POLA2: variants seen among roughly 807,000 people sequenced by gnomAD.
POLA2 encodes the protein DNA polymerase alpha subunit B.
POLA2 carries 47 observed loss-of-function variants against 82.8 expected under a neutral mutation model. The observed-to-expected ratio is 0.57, with a 90% CI of 0.45 to 0.72. The LOEUF is 0.72. Ranked by LOEUF, POLA2 falls within the 30% of genes least tolerant of loss-of-function variation. The probability of loss-of-function intolerance (pLI) is 0.00; values close to 1 mark genes in which losing one functional copy is unlikely to be tolerated. For missense variants in POLA2, 634 were observed against 728.1 expected, an observed-to-expected ratio of 0.87 and a Z score of 1.49; for synonymous variants, 287 against 286.8, an observed-to-expected ratio of 1.00 and a Z score of -0.01.
chr11:65,281,640 T>C, intron 8 of POLA2, 30 bp from the exon 9 acceptor site: 1 of 1,549,226 alleles, frequency 6.5e-7, no homozygotes. Flanking sequence ...TCTCCACTGC[T>C]TAGCAATCCT....
chr11:65,278,017 G>A (rs900781462), intron 5 of POLA2, among the ~76,000 whole-genome samples: 1 of 152,192 alleles, frequency 6.6e-6, no homozygotes, highest in African/African-American at 2.4e-5. Flanking sequence ...AACAAAGCCT[G>A]TTTTAAATAG....
intron 9 of POLA2, 92 bp downstream of exon 9, chr11:65,281,824 GC>G: frequency 9.7e-7 from 1 of 1,027,106 alleles, no homozygotes. Context: ...CTTTTTAGGA[GC>G]CCATTTATTT....
chr11:65,273,866 GAAATAAT>G (rs1265195416), intron 4 of POLA2, among the ~76,000 whole-genome samples: 4 of 151,922 alleles, frequency 2.6e-5, no homozygotes, highest in African/African-American at 9.7e-5. Flanking sequence ...CTCTTCTGAA[GAAATAAT>G]TCAAATTATG....
intron 15 of POLA2, 45 bp from the exon 16 acceptor site, chr11:65,295,495 G>A (rs778733557): frequency 5.9e-5 from 90 of 1,523,308 alleles, no homozygotes; most frequent in Middle Eastern, 3.4e-4. Flanking sequence ...AGAGAAATGG[G>A]CTGAAAAACA....
intron 11 of POLA2, among the ~76,000 whole-genome samples, chr11:65,288,048 G>A (rs1156607180): frequency 6.6e-6 from 1 of 152,174 alleles, no homozygotes; most frequent in Admixed American, 6.5e-5. Context: ...GCTCACGCCT[G>A]TAATCCTAAC....
chr11:65,276,707 GA>G (rs1025054259), intron 5 of POLA2, among the ~76,000 whole-genome samples: 2 of 151,926 alleles, frequency 1.3e-5, no homozygotes, highest in African/African-American at 4.8e-5. Context: ...ACCCTTCAGG[GA>G]AACACCAACT....
chr11:65,271,921 C>A (rs577070581), intron 4 of POLA2, among the ~76,000 whole-genome samples: 1 of 151,886 alleles, frequency 6.6e-6, no homozygotes, highest in African/African-American at 2.4e-5. Flanking sequence ...ACAATATGTC[C>A]AGGCTAGAGA....
Position 65,297,100 on chromosome 11 carries a change from A to T in POLA2, c.1648-20A>T. The T allele has an allele frequency of 6.2e-7, 1 of 1,612,582 alleles. No individual in the cohort carries two copies. The highest frequency in any genetic ancestry group is 8.5e-7 in the Non-Finnish European group (1 of 1,179,430). On this transcript the variant is annotated intron_variant, in intron 17 of 17. Coordinates refer to ENST00000265465, the MANE Select transcript of POLA2 (RefSeq NM_002689.4). The stretch of plus-strand genomic sequence containing the variant: ...TTAGTTGAGGCTCTCCAAACCTGTC[A>T]CCTCTCCTCTCCTCCCCAGGATGTC...
At chr11:65,274,516 C>T (rs1949556004) in intron 4 of POLA2, among the ~76,000 whole-genome samples, 1 of 151,510 alleles carries the variant, frequency 6.6e-6, no homozygotes, top group Non-Finnish European at 1.5e-5. Flanking sequence ...CCCATCTCTA[C>T]TAAAGATACA....
At chr11:65,284,320 A>G (rs1949672199) in intron 10 of POLA2, among the ~76,000 whole-genome samples, 1 of 152,026 alleles carries the variant, frequency 6.6e-6, no homozygotes, top group African/African-American at 2.4e-5. Flanking sequence ...AAAAAATAAA[A>G]ACAAAAAAAA....
At chr11:65,267,399 A>G (rs1949472696) in intron 2 of POLA2, 78 bp from the exon 3 acceptor site, 4 of 784,710 alleles carry the variant, frequency 5.1e-6, no homozygotes, top group Non-Finnish European at 8.3e-6. Context: ...AATACCTTTT[A>G]TTATCTCAAG....
chr11:65,300,815 C>A (rs1207645263), downstream of POLA2, among the ~76,000 whole-genome samples: 2 of 152,276 alleles, frequency 1.3e-5, no homozygotes, highest in Non-Finnish European at 2.9e-5. Flanking sequence ...CCACTGACCT[C>A]AAGTGATCCG....
Position 65,295,567 on chromosome 11 carries a change from C to T in POLA2, c.1488C>T (p.Ser496=). The T allele has an allele frequency of 6.2e-7, 1 of 1,613,918 alleles. No individual in the cohort carries two copies. Among genetic ancestry groups the T allele is most frequent in the Non-Finnish European group, 8.5e-7 (1 of 1,179,910 alleles). Residue 496 remains serine (S), a synonymous_variant, in exon 16 of 18, where the codon AGC becomes AGT. Coordinates refer to ENST00000265465, the MANE Select transcript of POLA2 (RefSeq NM_002689.4). ...CTTCCGGAACTTCAGACAGATTCAG[C>T]CGAATACTCAAGCACATCTTGACCC... The part of the protein sequence containing the change: ...SSSSGTSDRF[S]RILKHILTQR...
chr11:65,295,346 T>G (rs1229369215), intron 15 of POLA2, among the ~76,000 whole-genome samples, 194 bp from the exon 16 acceptor site: 2 of 152,194 alleles, frequency 1.3e-5, no homozygotes, highest in South Asian at 2.1e-4. Context: ...CCTGGTGTCC[T>G]GCGTCCCTCC....
intron 5 of POLA2, among the ~76,000 whole-genome samples, chr11:65,277,616 G>A (rs150224885): frequency 5.9e-5 from 9 of 152,320 alleles, no homozygotes; most frequent in East Asian, 5.8e-4. Flanking sequence ...TCTTATAGAC[G>A]TGCCAGCACC....
rs77332636 is a variant in POLA2, at chr11:65,297,034, C to T, written c.1648-86C>T. 2.0e-4 allele frequency: 284 copies of T among 1,409,618 alleles called. 3 individuals are homozygous for T. The African/African-American group carries it at 3.6e-3, about 18-fold the overall frequency. 87.3% of individuals were successfully genotyped at this position (1,409,618 alleles called of 1,614,324 possible). On this transcript the variant is annotated intron_variant, in intron 17 of 17. Coordinates refer to ENST00000265465, the MANE Select transcript of POLA2 (RefSeq NM_002689.4). ...CATTTTCTAAAACCCTCTTTGGGGT[C>T]CAGCCATGTGATGGCACTTCTTTTT...
chr11:65,289,350 G>A (rs1375073741), intron 12 of POLA2, among the ~76,000 whole-genome samples: 2 of 152,202 alleles, frequency 1.3e-5, no homozygotes, highest in African/African-American at 4.8e-5. Context: ...TGCTGCTAAG[G>A]CACAAGAGCA....
intron 7 of POLA2, 175 bp downstream of exon 7, chr11:65,279,801 G>C: frequency 1.8e-6 from 1 of 546,320 alleles, no homozygotes; most frequent in African/African-American, 1.9e-5. Flanking sequence ...AGTGCTGTCT[G>C]GTTTTGTGGC....
chr11:65,303,992 A>G (rs1208010267), intron 8 of POLA2, among the ~76,000 whole-genome samples: 2 of 152,188 alleles, frequency 1.3e-5, no homozygotes, highest in African/African-American at 4.8e-5. Context: ...AGAGCATCAG[A>G]TGGAGTCAAG....
Sources: gnomAD v4.1 joint callset for allele counts (sites outside exome capture counted in the v4.1 genomes callset) on GRCh38, gnomAD v4.1.1 for gene constraint, MANE v1.5 for transcripts, NCBI Gene and HGNC (gene_info 2026-07-23, HGNC 2026-07-21) for gene names.